LIPC: variants seen among roughly 807,000 people sequenced by gnomAD.
The protein encoded by LIPC is lipase C, hepatic type.
In LIPC, 44 loss-of-function variants were observed where a neutral mutation model predicts 50.7. The observed-to-expected ratio is 0.87, with a 90% CI of 0.68 to 1.11. The LOEUF is 1.11. Ranked by LOEUF, LIPC falls within the 50% of genes most tolerant of loss-of-function variation. LIPC has a pLI of 0.00. For missense variants in LIPC, 697 were observed against 648.2 expected (o/e 1.08, Z -0.82); for synonymous variants, 271 against 256.4 (o/e 1.06, Z -0.54).
chr15:58,555,958 G>A lies in LIPC; in HGVS notation c.1052-4906G>A, dbSNP rs192359789. Among the ~76,000 whole-genome samples the A allele has an allele frequency of 1.3e-3, 199 of 152,284 alleles. 2 individuals are homozygous for A. The highest frequency in any genetic ancestry group is 4.5e-3 in the African/African-American group (186 of 41,562). Reference sequence around the variant, plus strand: ...GGTCACACCCAACCAGAAACCAATCGACAAGGGAGCCCGGCAGATGCAGCC... The same window carrying A: ...GGTCACACCCAACCAGAAACCAATCAACAAGGGAGCCCGGCAGATGCAGCC... On this transcript the variant is annotated intron_variant, in intron 6 of 8. Transcript: ENST00000299022.
chr15:58,443,624 A>G (rs12438071), intron 1 of LIPC, among the ~76,000 whole-genome samples: 43,339 of 152,064 alleles, frequency 0.29, 6,352 homozygotes, highest in Admixed American at 0.36. Context: ...CTCCTCGGTG[A>G]CTTAGTAGTA....
intron 1 of LIPC, among the ~76,000 whole-genome samples, chr15:58,493,985 G>A (rs1891682223): frequency 6.6e-6 from 1 of 152,150 alleles, no homozygotes; most frequent in Non-Finnish European, 1.5e-5. Context: ...AGGGGTTCTG[G>A]AGGAGGTCAC....
intron 1 of LIPC, among the ~76,000 whole-genome samples, chr15:58,469,126 G>GTGTGTA (rs1384939449): frequency 3.3e-5 from 5 of 151,592 alleles, no homozygotes; most frequent in African/African-American, 1.2e-4. Context: ...GTGTGTGTGT[G>GTGTGTA]TGTGTGTGTG....
intron 1 of LIPC, among the ~76,000 whole-genome samples, chr15:58,457,340 C>A (rs752781474): frequency 1.3e-5 from 2 of 152,178 alleles, no homozygotes; most frequent in Non-Finnish European, 2.9e-5. Flanking sequence ...AAACTCCCGA[C>A]CTCAGGTGAT....
At chr15:58,450,606 A>G (rs1369947594) in intron 1 of LIPC, among the ~76,000 whole-genome samples, 1 of 152,202 alleles carries the variant, frequency 6.6e-6, no homozygotes, top group Admixed American at 6.5e-5. Context: ...ATGTGGATCT[A>G]TGTATTTTGG....
At chr15:58,466,154 G>C (rs1894554849) in intron 1 of LIPC, among the ~76,000 whole-genome samples, 1 of 152,210 alleles carries the variant, frequency 6.6e-6, no homozygotes, top group Non-Finnish European at 1.5e-5. Flanking sequence ...AATGTTACTA[G>C]TCGTGAGATA....
rs137974778 is a variant in LIPC at position 58,541,946 on chromosome 15, G to A, written c.435G>A (p.Ala145=). The A allele has an allele frequency of 2.6e-5, 42 of 1,610,430 alleles. No homozygotes were observed. The highest frequency in any genetic ancestry group is 3.3e-4 in the Middle Eastern group (2 of 6,080). The change falls in exon 3 of 9, where the codon GCG becomes GCA. Residue 145 remains alanine, a synonymous_variant. Coordinates refer to ENST00000299022, the MANE Select transcript of LIPC (RefSeq NM_000236.3). ...CCCGCCTTGTGGGCAAGGAGGTCGC[G>A]GCTCTTCTCCGGTGGCTGGAGGTAC... ...RNTRLVGKEV[A]ALLRWLEESV... is the part of the protein sequence containing the mutation.
At chr15:58,542,112 G>C in intron 3 of LIPC, 145 bp downstream of exon 3, 2 of 996,824 alleles carry the variant, frequency 2.0e-6, no homozygotes, top group Admixed American at 2.0e-5. Flanking sequence ...GCACAGGACT[G>C]ACACCAGACC....
chr15:58,495,033 G>A (rs1891719064), intron 1 of LIPC: 3 of 375,492 alleles, frequency 8.0e-6, no homozygotes, highest in African/African-American at 2.1e-5. Context: ...CTGCCCTAAG[G>A]GCTCTCAAGA....
intron 8 of LIPC, chr15:58,563,933 C>G (rs1257280245): frequency 1.7e-6 from 1 of 603,374 alleles, no homozygotes; most frequent in Non-Finnish European, 3.1e-6. Flanking sequence ...TCTTTGAATA[C>G]ACACCAGGGT....
At chr15:58,484,188 C>A (rs1477373904) in intron 1 of LIPC, among the ~76,000 whole-genome samples, 1 of 140,044 alleles carries the variant, frequency 7.1e-6, no homozygotes, top group Admixed American at 7.6e-5. Context: ...CAAGGCTGTC[C>A]TTGGCATTTC....
intron 1 of LIPC, among the ~76,000 whole-genome samples, chr15:58,455,263 G>A (rs761122902): frequency 6.6e-6 from 1 of 152,202 alleles, no homozygotes; most frequent in Non-Finnish European, 1.5e-5. Flanking sequence ...TAGGCCATAG[G>A]TGTCTGTTAA....
chr15:58,437,388 A>G (rs909797191), intron 1 of LIPC, among the ~76,000 whole-genome samples: 16 of 150,878 alleles, frequency 1.1e-4, no homozygotes, highest in East Asian at 3.9e-4. Flanking sequence ...TAATGTAGGG[A>G]AAAAAAAACA....
intron 8 of LIPC, chr15:58,566,419 AC>A: frequency 1.0e-6 from 1 of 985,062 alleles, no homozygotes; most frequent in Non-Finnish European, 1.2e-6. Flanking sequence ...ACTCTTCAAG[AC>A]TCAGTTGTTT....
chr15:58,518,124 C>G (rs754318435), intron 1 of LIPC, among the ~76,000 whole-genome samples: 1 of 152,188 alleles, frequency 6.6e-6, no homozygotes, highest in Non-Finnish European at 1.5e-5. Context: ...GAGAGGCTGT[C>G]CTGTGCATTG....
intron 6 of LIPC, among the ~76,000 whole-genome samples, chr15:58,554,675 G>A (rs1204025075): frequency 6.6e-6 from 1 of 151,910 alleles, no homozygotes; most frequent in African/African-American, 2.4e-5. Context: ...CAGGAGGATT[G>A]TGTGAGCCCA....
intron 8 of LIPC, among the ~76,000 whole-genome samples, chr15:58,567,681 TG>T (rs1251634883): frequency 6.6e-6 from 1 of 152,052 alleles, no homozygotes; most frequent in African/African-American, 2.4e-5. Flanking sequence ...ATGAAGCAGG[TG>T]AAAAATAGTG....
chr15:58,510,088 A>G (rs764541062), intron 1 of LIPC, among the ~76,000 whole-genome samples: 18 of 152,226 alleles, frequency 1.2e-4, no homozygotes, highest in Non-Finnish European at 2.4e-4. Context: ...ATTACTAAAC[A>G]TGTATTTGCT....
chr15:58,498,345 T>C (rs1454912666), intron 1 of LIPC, among the ~76,000 whole-genome samples: 2 of 152,156 alleles, frequency 1.3e-5, no homozygotes, highest in African/African-American at 4.8e-5. Flanking sequence ...CCTGGTGATG[T>C]TGCCGCTGCT....
Sources: gnomAD v4.1 joint callset for allele counts (sites outside exome capture counted in the v4.1 genomes callset) on GRCh38, gnomAD v4.1.1 for gene constraint, MANE v1.5 for transcripts, NCBI Gene and HGNC (gene_info 2026-07-23, HGNC 2026-07-21) for gene names.